The following ZNF469 variants were observed in gnomAD, a reference collection of about 807,000 sequenced individuals.
ZNF469 encodes zinc finger protein 469.
In ZNF469, 1 loss-of-function variant was observed where a neutral mutation model predicts 1.0. The ratio of observed to expected loss-of-function variants is 1.00; its 90% CI spans 0.35 to 4.73. ZNF469 has a LOEUF of 4.73. Ranked by LOEUF, ZNF469 falls within the 30% of genes most tolerant of loss-of-function variation. The pLI is 0.16. For missense variants in ZNF469, 6,100 were observed against 5,356.3 expected, an observed-to-expected ratio of 1.14 and a Z score of -4.33; for synonymous variants, 2,703 against 2,363.4, an observed-to-expected ratio of 1.14 and a Z score of -4.17.
chr16:88,108,053 T>C, the ZNF469 span, among the ~76,000 whole-genome samples: 16,722 of 152,192 alleles, frequency 0.11, 1,400 homozygotes, highest in East Asian at 0.26. Context: ...GAAGACTTTC[T>C]TGAGGATTTT....
At chr16:88,266,432 G>A in the ZNF469 span, among the ~76,000 whole-genome samples, 1 of 152,258 alleles carries the variant, frequency 6.6e-6, no homozygotes, top group African/African-American at 2.4e-5. Context: ...ACCAGGAGCA[G>A]GGAAGGTCAC....
chr16:88,136,164 C>T, the ZNF469 span, among the ~76,000 whole-genome samples: 2 of 152,278 alleles, frequency 1.3e-5, no homozygotes, highest in African/African-American at 2.4e-5. Flanking sequence ...GCCAGAGGTG[C>T]TGTGAAATTC....
In ZNF469 at chr16:88,433,745, T is replaced by C. The variant is rs1418264532; in HGVS notation, c.6275T>C (p.Leu2092Pro). 6.5e-7 allele frequency: 1 copy of C among 1,548,988 alleles called. No individual in the cohort carries two copies. The highest frequency in any genetic ancestry group is 1.2e-5 in the South Asian group (1 of 84,050). Residue 2092 changes from leucine (L) to proline (P), a missense_variant, in exon 3 of 3, where the codon CTG (leucine) becomes CCG (proline). Coordinates refer to ENST00000565624, the MANE Select transcript of ZNF469 (RefSeq NM_001367624.2). Reference sequence around the variant, plus strand: ...CCAGAGAGGGCGTCCAGCCCCGGCCTGAACAAGCCACTGCTGGCCACAGGG... The same window carrying C: ...CCAGAGAGGGCGTCCAGCCCCGGCCCGAACAAGCCACTGCTGGCCACAGGG... ...RTPERASSPGLNKPLLATGDS... is the reference protein window; with the variant it reads ...RTPERASSPGPNKPLLATGDS...
chr16:88,424,455 C>T lies in ZNF469; in HGVS notation c.-191-352C>T, dbSNP rs1319589056. On this transcript the variant is annotated intron_variant, in intron 1 of 2. Transcript: ENST00000565624. This position sits in a 1 kb window ranked among gnomAD's most constrained non-coding sequence, Gnocchi z 4.3. ...GGGATCCTGGCAGGGATGGGAGGGG[C>T]AGCGTTCTCACTGCAACTCGTAATA... Among the ~76,000 whole-genome samples the T allele has an allele frequency of 6.6e-6, 1 of 152,162 alleles. No homozygotes were observed. Among genetic ancestry groups the T allele is most frequent in the Non-Finnish European group, 1.5e-5 (1 of 68,016 alleles).
the ZNF469 span, among the ~76,000 whole-genome samples, chr16:88,327,354 C>G: frequency 6.6e-6 from 1 of 152,252 alleles, no homozygotes; most frequent in Non-Finnish European, 1.5e-5. Context: ...TGTGCAGCAC[C>G]CCTGCCACCT....
At position 88,439,440 on chromosome 16, in the gene ZNF469, C is replaced by G. The variant is rs1350847711; in HGVS notation, c.*108C>G. ...GGTCCACTCTGTGGCCACTTGACTT[C>G]TTGTGCAACTGCTCAGGCCTTGATG... On this transcript the variant is annotated 3_prime_UTR_variant, in exon 3 of 3. Coordinates refer to ENST00000565624, the MANE Select transcript of ZNF469 (RefSeq NM_001367624.2). 1 of 1,208,856 alleles carries G rather than the reference C, an allele frequency of 8.3e-7. No individual in the cohort carries two copies. The highest frequency in any genetic ancestry group is 2.5e-5 in the East Asian group (1 of 39,368). 74.9% of individuals were successfully genotyped at this position (1,208,856 alleles called of 1,614,324 possible). A position where few individuals can be genotyped will look rare whatever the true frequency, so the allele number is the denominator to read the frequency against.
At chr16:88,363,288 T>C in the ZNF469 span, among the ~76,000 whole-genome samples, 1 of 152,234 alleles carries the variant, frequency 6.6e-6, no homozygotes, top group Non-Finnish European at 1.5e-5. Context: ...ACATGTCAGG[T>C]AATTTCAGAT....
At chr16:88,279,772 T>G in the ZNF469 span, among the ~76,000 whole-genome samples, 37 of 149,154 alleles carry the variant, frequency 2.5e-4, no homozygotes, top group African/African-American at 8.6e-4. Context: ...TAGATATCAG[T>G]GCACAGTTAG....
At position 88,431,071 on chromosome 16, in the gene ZNF469, G is replaced by T. The variant is rs758315492; in HGVS notation, c.3601G>T (p.Asp1201Tyr). Residue 1201 changes from aspartate (D) to tyrosine (Y), a missense_variant, in exon 3 of 3, where the codon GAT becomes TAT. Coordinates refer to ENST00000565624, the MANE Select transcript of ZNF469 (RefSeq NM_001367624.2). ...TGATCGCCCCTCAGTGGCCCCCAAG[G>T]ATCCCCTGCAGGTCCCCACCAACAC... ...CADRPSVAPK[D>Y]PLQVPTNTET... 2.7e-5 allele frequency: 42 copies of T among 1,549,622 alleles called. No homozygotes were observed. The highest frequency in any genetic ancestry group is 3.6e-5 in the Non-Finnish European group (41 of 1,146,842).
the ZNF469 span, among the ~76,000 whole-genome samples, chr16:88,332,541 G>A: frequency 1.3e-5 from 2 of 152,266 alleles, no homozygotes; most frequent in Non-Finnish European, 2.9e-5. Flanking sequence ...CTCTGAATCT[G>A]ACTTGCAGGT....
chr16:88,316,025 G>A, the ZNF469 span, among the ~76,000 whole-genome samples: 1 of 152,238 alleles, frequency 6.6e-6, no homozygotes, highest in East Asian at 1.9e-4. Context: ...CTGCAGCTCT[G>A]TAGGGCGGCA....
At chr16:88,204,174 C>T in the ZNF469 span, among the ~76,000 whole-genome samples, 1 of 150,458 alleles carries the variant, frequency 6.6e-6, no homozygotes, top group Non-Finnish European at 1.5e-5. Context: ...CCCGTAACCC[C>T]ACAGAGCAGC....
chr16:88,166,282 C>T, the ZNF469 span, among the ~76,000 whole-genome samples: 4 of 152,086 alleles, frequency 2.6e-5, no homozygotes, highest in African/African-American at 9.7e-5. The surrounding 1 kb of genome is among the most constrained non-coding windows in gnomAD (Gnocchi z 4.5). Flanking sequence ...TTCCTCCCTC[C>T]CTCCCTCTTT....
the ZNF469 span, among the ~76,000 whole-genome samples, chr16:88,247,509 T>C: frequency 3.9e-4 from 54 of 138,592 alleles, no homozygotes; most frequent in African/African-American, 1.3e-3. Flanking sequence ...AGTGAGGGAA[T>C]GAGTGAGTGA....
the ZNF469 span, among the ~76,000 whole-genome samples, chr16:88,283,023 T>C: frequency 6.6e-6 from 1 of 152,168 alleles, no homozygotes; most frequent in African/African-American, 2.4e-5. Flanking sequence ...GCCAATGCAT[T>C]AGGTCAAGAA....
the ZNF469 span, among the ~76,000 whole-genome samples, chr16:88,354,500 G>C: frequency 2.0e-5 from 3 of 152,150 alleles, no homozygotes; most frequent in African/African-American, 7.2e-5. Context: ...CCTGTGACCT[G>C]GGGTGAGCCA....
the ZNF469 span, among the ~76,000 whole-genome samples, chr16:88,215,580 G>C: frequency 2.6e-5 from 4 of 151,686 alleles, no homozygotes; most frequent in Non-Finnish European, 5.9e-5. Flanking sequence ...AGTAGAGACA[G>C]TGTTTCACCA....
chr16:88,328,152 G>A, the ZNF469 span, among the ~76,000 whole-genome samples: 2 of 152,268 alleles, frequency 1.3e-5, no homozygotes, highest in Non-Finnish European at 2.9e-5. Flanking sequence ...TGCCGAGTCT[G>A]TGCTTCTCGC....
the ZNF469 span, among the ~76,000 whole-genome samples, chr16:88,351,689 C>T: frequency 6.6e-6 from 1 of 152,154 alleles, no homozygotes; most frequent in Non-Finnish European, 1.5e-5. Context: ...CTGTGGAGGC[C>T]CCCACCCCCA....
Sources: allele counts gnomAD v4.1 joint callset (sites outside exome capture counted in the v4.1 genomes callset), GRCh38; gene constraint gnomAD v4.1.1; non-coding constraint Gnocchi (gnomAD v3.1); transcripts MANE v1.5; gene names NCBI Gene and HGNC (gene_info 2026-07-23, HGNC 2026-07-21).